SFMBT2: variants seen among roughly 807,000 people sequenced by gnomAD.
The protein encoded by SFMBT2 is scm-like with four MBT domains protein 2.
In SFMBT2, 38 loss-of-function variants were observed where a neutral mutation model predicts 110.1. The observed-to-expected ratio is 0.35, with a 90% CI of 0.27 to 0.45. The LOEUF is 0.45. Among genes scored for constraint, SFMBT2 ranks in the 20% least tolerant of loss-of-function variants. The pLI is 1.00. For synonymous variants in SFMBT2, 425 were observed against 425.4 expected (o/e 1.00, Z 0.01); for missense variants, 1,011 against 1,094.9 (o/e 0.92, Z 1.08).
intron 4 of SFMBT2, among the ~76,000 whole-genome samples, chr10:7,322,626 C>T (rs1014452241): frequency 4.0e-5 from 6 of 151,894 alleles, no homozygotes; most frequent in Non-Finnish European, 8.8e-5. Context: ...CACACACACA[C>T]ACACATACAC....
At chr10:7,267,731 C>G (rs1450359624) in intron 7 of SFMBT2, among the ~76,000 whole-genome samples, 1 of 152,190 alleles carries the variant, frequency 6.6e-6, no homozygotes, top group African/African-American at 2.4e-5. Context: ...TTTAGAATTT[C>G]AAACACACTG....
At chr10:7,307,462 A>G (rs1034191146) in intron 4 of SFMBT2, among the ~76,000 whole-genome samples, 17 of 152,224 alleles carry the variant, frequency 1.1e-4, no homozygotes, top group African/African-American at 3.9e-4. Flanking sequence ...AACAACTTTA[A>G]AGATACAGTA....
intron 4 of SFMBT2, among the ~76,000 whole-genome samples, chr10:7,288,299 T>C (rs1486674359): frequency 6.6e-6 from 1 of 152,226 alleles, no homozygotes; most frequent in Non-Finnish European, 1.5e-5. Context: ...AGTCCAGCTT[T>C]ACCTTATATG....
chr10:7,226,768 C>T (rs754509717), intron 10 of SFMBT2, among the ~76,000 whole-genome samples: 2 of 152,048 alleles, frequency 1.3e-5, no homozygotes, highest in African/African-American at 2.4e-5. Flanking sequence ...TGATGAAATG[C>T]GTATACAATG....
Position 7,172,093 on chromosome 10 carries a change from C to A in SFMBT2, c.2217G>T (p.Glu739Asp). 6.2e-7 allele frequency: 1 copy of A among 1,606,378 alleles called. No homozygotes were observed. Among genetic ancestry groups the A allele is most frequent in the South Asian group, 1.1e-5 (1 of 90,292 alleles). Residue 739 changes from glutamate to aspartate, a missense_variant, in exon 19 of 21, where the codon GAG becomes GAT. Transcript: ENST00000397167. The surrounding 1 kb of genome is among the most constrained non-coding windows in gnomAD (Gnocchi z 4.6). ...DDTASEETGS[E>D]LRDDQTDTSS... ...AGGTGTCCGTCTGGTCATCCCGGAG[C>A]TCGGAGCCGGTCTCCTCACTGGCGG... is the stretch of plus-strand genomic sequence containing the variant.
intron 4 of SFMBT2, among the ~76,000 whole-genome samples, chr10:7,308,892 G>A (rs1485153266): frequency 6.6e-6 from 1 of 152,100 alleles, no homozygotes; most frequent in Non-Finnish European, 1.5e-5. Context: ...AAGAACTACA[G>A]ACCAGTAGAA....
At chr10:7,190,406 G>A (rs1019201477) in intron 15 of SFMBT2, among the ~76,000 whole-genome samples, 1 of 152,170 alleles carries the variant, frequency 6.6e-6, no homozygotes, top group African/African-American at 2.4e-5. Context: ...GCTGCATATC[G>A]AGATGCATTT....
chr10:7,379,237 TC>T (rs1466583224), intron 2 of SFMBT2, among the ~76,000 whole-genome samples: 18 of 152,126 alleles, frequency 1.2e-4, no homozygotes, highest in Non-Finnish European at 2.6e-4. Context: ...TGAAAATGCT[TC>T]CCAGGAGAAG....
chr10:7,183,353 G>A (rs541769607), intron 16 of SFMBT2, among the ~76,000 whole-genome samples: 9 of 152,288 alleles, frequency 5.9e-5, no homozygotes, highest in African/African-American at 2.2e-4. Context: ...AGGAGGGGCT[G>A]GGGCTGGCAG....
At chr10:7,339,262 T>A (rs1315613091) in intron 4 of SFMBT2, among the ~76,000 whole-genome samples, 1 of 152,062 alleles carries the variant, frequency 6.6e-6, no homozygotes, top group Non-Finnish European at 1.5e-5. Flanking sequence ...AATAAATGAA[T>A]AAATAAATAA....
Position 7,163,698 on chromosome 10 carries a change from C to G in SFMBT2, c.*72G>C. On this transcript the variant is annotated 3_prime_UTR_variant, in exon 21 of 21. Coordinates refer to ENST00000397167, the MANE Select transcript of SFMBT2 (RefSeq NM_001387889.1). This position sits in a 1 kb window ranked among gnomAD's most constrained non-coding sequence, Gnocchi z 4.8. ...TACCATTTAACATATCCCGGAAAAT[C>G]AAAGTTTCAGTCCTGGAAACCTTTA... 1 of 1,396,446 alleles carries G rather than the reference C, an allele frequency of 7.2e-7. No homozygotes were observed. Among genetic ancestry groups the G allele is most frequent in the Non-Finnish European group, 1.0e-6 (1 of 1,002,826 alleles). The allele number at this position is 1,396,446 out of a possible 1,614,324, so 86.5% of individuals were successfully genotyped here.
chr10:7,202,360 C>T, intron 13 of SFMBT2, 120 bp downstream of exon 13: 2 of 1,250,096 alleles, frequency 1.6e-6, no homozygotes, highest in Admixed American at 1.8e-5. Flanking sequence ...TTACTGCTAC[C>T]TCTACTAGGG....
chr10:7,378,193 T>C (rs1335612779), intron 2 of SFMBT2, among the ~76,000 whole-genome samples: 5 of 31,560 alleles, frequency 1.6e-4, no homozygotes, highest in African/African-American at 8.4e-4. Flanking sequence ...TGTGGGTGTG[T>C]GTGGGTGTAT....
intron 3 of SFMBT2, chr10:7,368,441 G>C (rs2132053437): frequency 1.2e-6 from 1 of 807,864 alleles, no homozygotes; most frequent in Admixed American, 6.2e-5. Flanking sequence ...TTGCAAAGCT[G>C]ACATATCCGC....
At chr10:7,338,335 C>A (rs1359222173) in intron 4 of SFMBT2, among the ~76,000 whole-genome samples, 1 of 152,122 alleles carries the variant, frequency 6.6e-6, no homozygotes, top group Non-Finnish European at 1.5e-5. Context: ...ACTGAATCCC[C>A]CAAAAGTCAA....
intron 1 of SFMBT2, among the ~76,000 whole-genome samples, chr10:7,386,188 T>C (rs1845599642): frequency 6.6e-6 from 1 of 152,162 alleles, no homozygotes; most frequent in South Asian, 2.1e-4. Context: ...TGTATGTGTG[T>C]ATTTTGTGGG....
intron 16 of SFMBT2, among the ~76,000 whole-genome samples, chr10:7,184,660 C>G (rs1186605208): frequency 6.6e-6 from 1 of 152,040 alleles, no homozygotes; most frequent in African/African-American, 2.4e-5. Flanking sequence ...CGGCACGGCC[C>G]AAGCAGAATG....
At position 7,261,821 on chromosome 10, in the gene SFMBT2, C is replaced by T. The variant is rs188888672; in HGVS notation, c.871-13172G>A. Among the ~76,000 whole-genome samples, 5 of 152,366 alleles carry T rather than the reference C, an allele frequency of 3.3e-5. No homozygotes were observed. In the East Asian group the frequency reaches 9.6e-4, roughly 29 times the overall value. On this transcript the variant is annotated intron_variant, in intron 7 of 20. Coordinates refer to ENST00000397167, the MANE Select transcript of SFMBT2 (RefSeq NM_001387889.1). Reference sequence around the variant, plus strand: ...GTTATAAATGGCACTGGCGACAAAACTGGAGGCAGATTTTATCTTATCCTT... The same window carrying T: ...GTTATAAATGGCACTGGCGACAAAATTGGAGGCAGATTTTATCTTATCCTT...
At chr10:7,391,238 C>T (rs1347482175) in intron 1 of SFMBT2, among the ~76,000 whole-genome samples, 1 of 151,446 alleles carries the variant, frequency 6.6e-6, no homozygotes, top group African/African-American at 2.4e-5. Context: ...AAGCCCAAGG[C>T]GGGTGGATCA....
Sources: gnomAD v4.1 joint callset for allele counts (sites outside exome capture counted in the v4.1 genomes callset) on GRCh38, gnomAD v4.1.1 for gene constraint, Gnocchi (gnomAD v3.1) non-coding constraint, MANE v1.5 for transcripts, NCBI Gene and HGNC (gene_info 2026-07-23, HGNC 2026-07-21) for gene names.